Variants in FBXW2 observed in about 807,000 individuals in gnomAD.
FBXW2 encodes the protein F-box and WD repeat domain containing 2, also known as F-box/WD repeat-containing protein 2.
A neutral mutation model predicts 46.0 loss-of-function variants in FBXW2; 12 were observed. The observed-to-expected ratio is 0.26, with a 90% CI of 0.17 to 0.42. FBXW2 has a LOEUF of 0.42. Ranked by LOEUF, FBXW2 falls within the 10% of genes least tolerant of loss-of-function variation. The pLI is 1.00. For missense variants in FBXW2, 360 were observed against 537.0 expected, an observed-to-expected ratio of 0.67 and a Z score of 3.26; for synonymous variants, 203 against 209.6, an observed-to-expected ratio of 0.97 and a Z score of 0.27.
chr9:120,785,651 T>TACCA (rs2044704056), intron 3 of FBXW2, among the ~76,000 whole-genome samples: 1 of 152,126 alleles, frequency 6.6e-6, no homozygotes, highest in Admixed American at 6.5e-5. Flanking sequence ...TTGAGTCTGG[T>TACCA]GAGACTCCTG....
chr9:120,789,938 T>C (rs1002691245), intron 2 of FBXW2, among the ~76,000 whole-genome samples: 26 of 152,252 alleles, frequency 1.7e-4, no homozygotes, highest in African/African-American at 5.8e-4. Context: ...AGAGAAGATT[T>C]ATTAATCTGT....
intron 3 of FBXW2, among the ~76,000 whole-genome samples, chr9:120,787,037 T>C (rs2044737120): frequency 6.6e-6 from 1 of 152,170 alleles, no homozygotes; most frequent in African/African-American, 2.4e-5. Flanking sequence ...TATACATATA[T>C]ATTTATTTTG....
At chr9:120,767,682 A>G (rs892568031) in intron 7 of FBXW2, among the ~76,000 whole-genome samples, 1 of 152,192 alleles carries the variant, frequency 6.6e-6, no homozygotes, top group African/African-American at 2.4e-5. Flanking sequence ...CCTCACACTC[A>G]AACTATCCAA....
At chr9:120,774,442 T>C (rs1025573767) in intron 5 of FBXW2, among the ~76,000 whole-genome samples, 1 of 151,792 alleles carries the variant, frequency 6.6e-6, no homozygotes, top group Non-Finnish European at 1.5e-5. Context: ...AGCCTGGGGA[T>C]TCAAAGTTGC....
chr9:120,761,246 C>T lies in FBXW2; in HGVS notation c.*3313G>A, dbSNP rs917950285. 6.6e-6 allele frequency: 1 copy of T among 152,246 alleles called. No homozygotes were observed. The highest frequency in any genetic ancestry group is 2.4e-5 in the African/African-American group (1 of 41,462). The allele number at this position is 152,246 out of a possible 1,614,324, so 9.4% of individuals were successfully genotyped here. On this transcript the variant is annotated 3_prime_UTR_variant, in exon 8 of 8. Transcript: ENST00000608872. ...ATCTATCAGAAACTTCACACATCCA[C>T]TCAGCTCTCCTGGATCCCTGTCCAC...
Position 120,793,213 on chromosome 9 carries a change from C to G in FBXW2, c.-85G>C. The stretch of plus-strand genomic sequence containing the variant: ...TCACAGCTACTAGGCACGCTCGGAC[C>G]GCCAGAGCCTTGCAGCGGCCGGGTC... On this transcript the variant is annotated 5_prime_UTR_variant, in exon 2 of 8. Transcript: ENST00000608872. 1.8e-6 allele frequency: 1 copy of G among 548,308 alleles called. No homozygotes were observed. The highest frequency in any genetic ancestry group is 2.5e-5 in the South Asian group (1 of 40,658). 34.0% of individuals were successfully genotyped at this position (548,308 alleles called of 1,614,324 possible).
chr9:120,766,976 A>G (rs1433821446), intron 7 of FBXW2, among the ~76,000 whole-genome samples: 1 of 152,214 alleles, frequency 6.6e-6, no homozygotes, highest in Non-Finnish European at 1.5e-5. Flanking sequence ...ATAGCATATA[A>G]CTGCCAGAGT....
At chr9:120,782,283 C>T (rs761058946) in intron 3 of FBXW2, among the ~76,000 whole-genome samples, 1 of 150,520 alleles carries the variant, frequency 6.6e-6, no homozygotes, top group Non-Finnish European at 1.5e-5. Flanking sequence ...CTGGCCAACA[C>T]GTTGAAACCC....
chr9:120,771,796 C>T (rs1312841743), intron 6 of FBXW2, among the ~76,000 whole-genome samples: 3 of 152,128 alleles, frequency 2.0e-5, no homozygotes, highest in South Asian at 2.1e-4. Flanking sequence ...CGGTGGCTCG[C>T]GCCTGTAATC....
chr9:120,771,274 C>G (rs2044369541), intron 7 of FBXW2, 74 bp downstream of exon 7: 1 of 1,416,070 alleles, frequency 7.1e-7, no homozygotes, highest in African/African-American at 1.4e-5. Flanking sequence ...TACATCCAAA[C>G]ATTTAGTCTT....
At chr9:120,776,926 T>G (rs2131326603) in intron 4 of FBXW2, among the ~76,000 whole-genome samples, 1 of 152,228 alleles carries the variant, frequency 6.6e-6, no homozygotes, top group East Asian at 1.9e-4. Context: ...AAAATAAATG[T>G]TTACCTCTTG....
At chr9:120,792,903 C>G (rs780753108) in intron 2 of FBXW2, 10 of 1,524,632 alleles carry the variant, frequency 6.6e-6, no homozygotes, top group Non-Finnish European at 8.8e-6. Flanking sequence ...TCATGGCATA[C>G]CCACAATTAT....
At chr9:120,787,364 G>C (rs1588050289) in intron 3 of FBXW2, among the ~76,000 whole-genome samples, 1 of 152,274 alleles carries the variant, frequency 6.6e-6, no homozygotes, top group Admixed American at 6.5e-5. Context: ...GAGAGGTTAA[G>C]TAATTTGGCC....
intron 3 of FBXW2, among the ~76,000 whole-genome samples, chr9:120,786,282 A>G (rs1281032907): frequency 6.6e-6 from 1 of 152,136 alleles, no homozygotes; most frequent in Non-Finnish European, 1.5e-5. Context: ...GTGGCCCCCC[A>G]TGCTGTTCTC....
In FBXW2 at chr9:120,758,413, C is replaced by T. The variant is rs571130328; in HGVS notation, c.*6146G>A. 1 of 152,188 alleles carries T rather than the reference C, an allele frequency of 6.6e-6. No homozygotes were observed. The highest frequency in any genetic ancestry group is 1.9e-4 in the East Asian group (1 of 5,190). 9.4% of individuals were successfully genotyped at this position (152,188 alleles called of 1,614,324 possible). On this transcript the variant is annotated 3_prime_UTR_variant, in exon 8 of 8. Coordinates refer to ENST00000608872, the MANE Select transcript of FBXW2 (RefSeq NM_012164.4). Reference sequence around the variant, plus strand: ...ATGATGTTAAGGAATCCAGATGTGCCCTGATGGTAACGGAGAGTTACCAAG... The same window carrying T: ...ATGATGTTAAGGAATCCAGATGTGCTCTGATGGTAACGGAGAGTTACCAAG...
chr9:120,778,340 G>A lies in FBXW2; in HGVS notation c.685+11C>T, dbSNP rs779094426. 1 of 1,607,216 alleles carries A rather than the reference G, an allele frequency of 6.2e-7. No individual in the cohort carries two copies. The highest frequency in any genetic ancestry group is 8.5e-7 in the Non-Finnish European group (1 of 1,177,470). ...CTAAGTTGTAAAAACCCTTGAAAAA[G>A]GGCAACCCACCCGCCCCCGTGTGCC... On this transcript the variant is annotated intron_variant, in intron 4 of 7. Transcript: ENST00000608872.
At chr9:120,765,095 GTTTT>G (rs751039443) in intron 7 of FBXW2, among the ~76,000 whole-genome samples, 5 of 139,794 alleles carry the variant, frequency 3.6e-5, no homozygotes, top group Admixed American at 7.2e-5. Context: ...TTTGATCAAA[GTTTT>G]TTTTTTTTTT....
At chr9:120,769,710 T>C (rs1157752203) in intron 7 of FBXW2, among the ~76,000 whole-genome samples, 1 of 152,240 alleles carries the variant, frequency 6.6e-6, no homozygotes, top group Admixed American at 6.5e-5. Flanking sequence ...CCTGGCTTTC[T>C]AGTACCATAA....
chr9:120,783,635 G>C (rs1192875765), intron 3 of FBXW2, among the ~76,000 whole-genome samples: 1 of 152,122 alleles, frequency 6.6e-6, no homozygotes, highest in Non-Finnish European at 1.5e-5. Context: ...TCCACACAGA[G>C]ACTTTTACCT....
Sources: allele counts gnomAD v4.1 joint callset (sites outside exome capture counted in the v4.1 genomes callset), GRCh38; gene constraint gnomAD v4.1.1; transcripts MANE v1.5; gene names NCBI Gene and HGNC (gene_info 2026-07-23, HGNC 2026-07-21).